NCKAP5: variants seen among roughly 807,000 people sequenced by gnomAD.
NCKAP5 encodes the protein NCK associated protein 5, also known as nck-associated protein 5.
NCKAP5 carries 92 observed loss-of-function variants against 167.0 expected under a neutral mutation model. The observed-to-expected ratio is 0.55, with a 90% confidence interval of 0.47 to 0.66. The LOEUF is 0.66. Ranked by LOEUF, NCKAP5 falls within the 30% of genes least tolerant of loss-of-function variation. The pLI, the probability that NCKAP5 is intolerant of heterozygous loss-of-function variation, is 0.00. For missense variants in NCKAP5, 2,378 were observed against 2,315.0 expected (o/e 1.03, Z -0.56); for synonymous variants, 891 against 877.4 (o/e 1.02, Z -0.27).
intron 9 of NCKAP5, among the ~76,000 whole-genome samples, chr2:132,874,365 C>T (rs1286441549): frequency 2.0e-5 from 3 of 152,110 alleles, no homozygotes; most frequent in Non-Finnish European, 4.4e-5. Flanking sequence ...GCCTTGGCCT[C>T]CCAAAGTGTT....
In NCKAP5 at chr2:132,915,232, G is replaced by A. The variant is rs571191595; in HGVS notation, c.580-36316C>T. On this transcript the variant is annotated intron_variant, in intron 8 of 19. Transcript: ENST00000409261. ...GTTTATATCATGGGGAAGGAAGTCT[G>A]AATGGTGAACAGTGGCATACTGTGC... is the stretch of plus-strand genomic sequence containing the variant. Among the ~76,000 whole-genome samples, 74 of 152,136 alleles carry A rather than the reference G, an allele frequency of 4.9e-4. 1 individual carries two copies. Among genetic ancestry groups the A allele is most frequent in the African/African-American group, 1.6e-3 (67 of 41,538 alleles).
At chr2:133,178,851 A>C (rs1046624908) in intron 5 of NCKAP5, among the ~76,000 whole-genome samples, 7 of 150,938 alleles carry the variant, frequency 4.6e-5, no homozygotes, top group African/African-American at 7.3e-5. Context: ...AAAAAAAAAA[A>C]AACCCAGGTC....
intron 4 of NCKAP5, among the ~76,000 whole-genome samples, chr2:133,244,099 T>C (rs980840951): frequency 6.6e-6 from 1 of 152,196 alleles, no homozygotes; most frequent in Non-Finnish European, 1.5e-5. Flanking sequence ...TCTCCAGAGA[T>C]CTATTTCTAG....
At chr2:132,770,911 T>A (rs930789587) in intron 16 of NCKAP5, among the ~76,000 whole-genome samples, 2 of 152,170 alleles carry the variant, frequency 1.3e-5, no homozygotes, top group African/African-American at 4.8e-5. Flanking sequence ...ACTACTCATG[T>A]GTTGTGGTGA....
chr2:132,906,168 T>C (rs1447629330), intron 8 of NCKAP5, among the ~76,000 whole-genome samples: 1 of 152,214 alleles, frequency 6.6e-6, no homozygotes, highest in East Asian at 1.9e-4. Context: ...AAGATGGTGT[T>C]TGGATTTCTT....
chr2:133,263,689 C>T (rs1420013926), intron 4 of NCKAP5, among the ~76,000 whole-genome samples: 1 of 152,094 alleles, frequency 6.6e-6, no homozygotes, highest in East Asian at 1.9e-4. Flanking sequence ...ACACAAAGGC[C>T]TTCTGTACAT....
At position 132,965,971 on chromosome 2, in the gene NCKAP5, G is replaced by C. The variant is rs960327349; in HGVS notation, c.430-2102C>G. ...CTGTAGAAGTATCCTGTAATAATCA[G>C]AGCCCAATAGCTAATTAAAACAAAG... On this transcript the variant is annotated intron_variant, in intron 7 of 19. Coordinates refer to ENST00000409261, the MANE Select transcript of NCKAP5 (RefSeq NM_207363.3). Among the ~76,000 whole-genome samples, 14 of 151,232 alleles carry C rather than the reference G, an allele frequency of 9.3e-5. 1 individual carries two copies. The highest frequency in any genetic ancestry group is 2.7e-4 in the African/African-American group (11 of 40,796).
rs141994210 is a variant in NCKAP5 at position 133,187,869 on chromosome 2, G to A, written c.207+25847C>T. Among the ~76,000 whole-genome samples, 109 of 151,886 alleles carry A rather than the reference G, an allele frequency of 7.2e-4. 1 individual carries two copies. The South Asian group carries it at 0.01, about 14-fold the overall frequency. ...ATCCCTTTCTTTTGAGCCTATATGC[G>A]TTTGCACGTGAGATGGGTCTCCTGA... On this transcript the variant is annotated intron_variant, in intron 5 of 19. Transcript: ENST00000409261.
At chr2:132,774,522 G>A (rs1301500027) in intron 15 of NCKAP5, among the ~76,000 whole-genome samples, 2 of 151,916 alleles carry the variant, frequency 1.3e-5, no homozygotes, top group African/African-American at 4.8e-5. Flanking sequence ...ATTTCAGTTG[G>A]AAGGCCCAGG....
intron 5 of NCKAP5, among the ~76,000 whole-genome samples, chr2:133,203,217 A>T (rs1442648655): frequency 1.4e-4 from 22 of 152,240 alleles, no homozygotes; most frequent in Non-Finnish European, 4.4e-5. Flanking sequence ...GCCATAAAAA[A>T]GGATGAGTTC....
At chr2:133,454,568 T>A (rs1014044765) in intron 3 of NCKAP5, among the ~76,000 whole-genome samples, 5 of 152,124 alleles carry the variant, frequency 3.3e-5, no homozygotes, top group Non-Finnish European at 5.9e-5. Flanking sequence ...AAGAAAGAAG[T>A]ATTCTCAGCA....
At chr2:133,255,914 A>G (rs1422407532) in intron 4 of NCKAP5, among the ~76,000 whole-genome samples, 3 of 152,210 alleles carry the variant, frequency 2.0e-5, no homozygotes, top group Non-Finnish European at 2.9e-5. Flanking sequence ...ATGAACTGAC[A>G]GGGAGTAAGG....
At chr2:133,398,161 G>A (rs1419498304) in intron 3 of NCKAP5, among the ~76,000 whole-genome samples, 1 of 152,014 alleles carries the variant, frequency 6.6e-6, no homozygotes, top group Non-Finnish European at 1.5e-5. Context: ...ATTGACAACA[G>A]TGTCTTCTTC....
chr2:133,059,192 C>T (rs1276011397), intron 6 of NCKAP5, among the ~76,000 whole-genome samples: 12 of 152,014 alleles, frequency 7.9e-5, no homozygotes, highest in African/African-American at 2.9e-4. Context: ...CCCAGCTACT[C>T]AGGAGGCTGA....
chr2:132,692,299 T>C (rs1353054546), intron 19 of NCKAP5, among the ~76,000 whole-genome samples: 1 of 151,982 alleles, frequency 6.6e-6, no homozygotes, highest in African/African-American at 2.4e-5. Context: ...TCCACCACCA[T>C]GCCCAGTTAA....
rs374659522 is a variant in NCKAP5, at chr2:133,091,423, T to G, written c.341+38555A>C. ...TTTTAAAACTAAACATTGACTACAATGAGTCCTCAGCAAATATTGGTTTAC... is the reference window on the plus strand; with the variant it reads ...TTTTAAAACTAAACATTGACTACAAGGAGTCCTCAGCAAATATTGGTTTAC... On this transcript the variant is annotated intron_variant, in intron 6 of 19. Coordinates refer to ENST00000409261, the MANE Select transcript of NCKAP5 (RefSeq NM_207363.3). Among the ~76,000 whole-genome samples the G allele has an allele frequency of 5.2e-4, 79 of 152,236 alleles. 1 individual carries two copies. The East Asian group carries it at 0.014, about 28-fold the overall frequency.
chr2:132,954,336 G>A (rs2076279415), intron 8 of NCKAP5, among the ~76,000 whole-genome samples: 1 of 152,132 alleles, frequency 6.6e-6, no homozygotes, highest in Non-Finnish European at 1.5e-5. Flanking sequence ...GGTGCTCTTT[G>A]CCTAACTGTG....
the NCKAP5 span, among the ~76,000 whole-genome samples, chr2:133,611,584 T>A: frequency 0.63 from 95,724 of 151,942 alleles, 31,296 homozygotes; most frequent in Middle Eastern, 0.78. Context: ...TTAATCTTCA[T>A]TAAGACAGTA....
chr2:133,471,040 CT>C (rs777034242), intron 3 of NCKAP5, among the ~76,000 whole-genome samples: 9 of 152,326 alleles, frequency 5.9e-5, no homozygotes, highest in South Asian at 2.1e-4. Context: ...TCCTCCCCCC[CT>C]GCTTTTGCTT....
Sources: gnomAD v4.1 joint callset for allele counts (sites outside exome capture counted in the v4.1 genomes callset) on GRCh38, gnomAD v4.1.1 for gene constraint, MANE v1.5 for transcripts, NCBI Gene and HGNC (gene_info 2026-07-23, HGNC 2026-07-21) for gene names.